LYRM7: variants seen among roughly 807,000 people sequenced by gnomAD.
LYRM7 encodes complex III assembly factor LYRM7.
In LYRM7, 9 loss-of-function variants were observed where a neutral mutation model predicts 15.8. The ratio of observed to expected loss-of-function variants is 0.57; its 90% confidence interval spans 0.34 to 0.99. LYRM7 has a LOEUF of 0.99. Among genes scored for constraint, LYRM7 ranks in the 50% least tolerant of loss-of-function variants. LYRM7 has a pLI of 0.02. For missense variants in LYRM7, 115 were observed against 119.1 expected (o/e 0.97, Z 0.16); for synonymous variants, 39 against 39.4 (o/e 0.99, Z 0.04).
Position 131,201,041 on chromosome 5 carries a change from G to T in LYRM7, c.*1440G>T, listed in dbSNP as rs1756053528. ...TTAAGATATATTGATATAGGCCCGG[G>T]CGCTGTGGCTCACACCTGTAATCCC... On this transcript the variant is annotated 3_prime_UTR_variant, in exon 5 of 5. Coordinates refer to ENST00000379380, the MANE Select transcript of LYRM7 (RefSeq NM_181705.4). The T allele has an allele frequency of 6.6e-6, 1 of 152,060 alleles. No individual in the cohort carries two copies. Among genetic ancestry groups the T allele is most frequent in the Non-Finnish European group, 1.5e-5 (1 of 68,014 alleles). The allele number at this position is 152,060 out of a possible 1,614,324, so 9.4% of individuals were successfully genotyped here. A position where few individuals can be genotyped will look rare whatever the true frequency, so the allele number is the denominator to read the frequency against.
chr5:131,183,421 A>T (rs1446432879), intron 3 of LYRM7, among the ~76,000 whole-genome samples: 1 of 152,186 alleles, frequency 6.6e-6, no homozygotes, highest in African/African-American at 2.4e-5. Flanking sequence ...ACTAATTCAT[A>T]ACATATGATA....
At position 131,193,916 on chromosome 5, in the gene LYRM7, G is replaced by A. The variant is rs191487129; in HGVS notation, c.245-5615G>A. On this transcript the variant is annotated intron_variant, in intron 4 of 4. Transcript: ENST00000379380. Reference sequence around the variant, plus strand: ...CCCAGCTACTCAGGAGGCTGAGGCAGGAGAATCGCTTGAACCCGGGAGGCG... The same window carrying A: ...CCCAGCTACTCAGGAGGCTGAGGCAAGAGAATCGCTTGAACCCGGGAGGCG... Among the ~76,000 whole-genome samples the A allele has an allele frequency of 5.0e-4, 76 of 152,222 alleles. 1 individual carries two copies. The highest frequency in any genetic ancestry group is 1.7e-3 in the African/African-American group (71 of 41,536).
At chr5:131,186,425 T>A (rs934323345) in intron 3 of LYRM7, among the ~76,000 whole-genome samples, 1 of 152,214 alleles carries the variant, frequency 6.6e-6, no homozygotes, top group African/African-American at 2.4e-5. Flanking sequence ...TCTATACTAG[T>A]TGGAATGGTT....
chr5:131,183,079 A>G (rs770804197), intron 3 of LYRM7, among the ~76,000 whole-genome samples: 1 of 152,202 alleles, frequency 6.6e-6, no homozygotes, highest in African/African-American at 2.4e-5. Context: ...AAAGGAAGGT[A>G]CAAACTAGAG....
rs1376695258 is a variant in LYRM7 at position 131,202,418 on chromosome 5, A to T, written c.*2817A>T. The T allele has an allele frequency of 6.6e-6, 1 of 152,240 alleles. No individual in the cohort carries two copies. The highest frequency in any genetic ancestry group is 1.5e-5 in the Non-Finnish European group (1 of 68,082). The allele number at this position is 152,240 out of a possible 1,614,324, so 9.4% of individuals were successfully genotyped here. A position where few individuals can be genotyped will look rare whatever the true frequency, so the allele number is the denominator to read the frequency against. ...CTGAGGCAGGAGAATTACTTGAGCC[A>T]GGGAAGCAGAGGTTGTGGTGAGCTA... On this transcript the variant is annotated 3_prime_UTR_variant, in exon 5 of 5. Transcript: ENST00000379380.
intron 4 of LYRM7, among the ~76,000 whole-genome samples, chr5:131,188,366 A>C (rs533048339): frequency 2.5e-4 from 38 of 152,168 alleles, no homozygotes; most frequent in Admixed American, 5.2e-4. Context: ...AATTTTCATA[A>C]AATGAAATAC....
Position 131,202,497 on chromosome 5 carries a change from GAAAAA to G in LYRM7, c.*2899_*2903del, listed in dbSNP as rs753028963. 2.3e-4 allele frequency: 35 copies of G among 152,170 alleles called. No individual in the cohort carries two copies. Among genetic ancestry groups the G allele is most frequent in the Non-Finnish European group, 4.3e-4 (29 of 67,978 alleles). 9.4% of individuals were successfully genotyped at this position (152,170 alleles called of 1,614,324 possible). On this transcript the variant is annotated 3_prime_UTR_variant, in exon 5 of 5. Coordinates refer to ENST00000379380, the MANE Select transcript of LYRM7 (RefSeq NM_181705.4). ...AGAACAAGACTCCGTCTCAAAAAAA[GAAAAA>G]AAGAAAACTTTTTTACACATGGGTA...
At chr5:131,190,963 G>A (rs1755876744) in intron 4 of LYRM7, among the ~76,000 whole-genome samples, 1 of 151,772 alleles carries the variant, frequency 6.6e-6, no homozygotes, top group African/African-American at 2.4e-5. Flanking sequence ...AAAGTTTTAG[G>A]TTATTTTAAA....
chr5:131,204,819 G>A lies in LYRM7; in HGVS notation c.*5218G>A, dbSNP rs1426566388. 2 of 151,860 alleles carry A rather than the reference G, an allele frequency of 1.3e-5. No individual in the cohort carries two copies. Among genetic ancestry groups the A allele is most frequent in the East Asian group, 3.8e-4 (2 of 5,332 alleles). The allele number at this position is 151,860 out of a possible 1,614,324, so 9.4% of individuals were successfully genotyped here. ...AAGAAAACTTTTTGTGTACATATTT[G>A]CATATATATGTACAAATGGGTAGAA... On this transcript the variant is annotated 3_prime_UTR_variant, in exon 5 of 5. Coordinates refer to ENST00000379380, the MANE Select transcript of LYRM7 (RefSeq NM_181705.4).
chr5:131,185,225 C>T (rs114322278), intron 3 of LYRM7, among the ~76,000 whole-genome samples: 1,860 of 152,234 alleles, frequency 0.012, 30 homozygotes, highest in African/African-American at 0.042. Context: ...CTCTTCATCT[C>T]ATTCAAGAAA....
intron 1 of LYRM7, among the ~76,000 whole-genome samples, chr5:131,176,721 T>C (rs1012035937): frequency 2.0e-5 from 3 of 152,136 alleles, no homozygotes; most frequent in Non-Finnish European, 4.4e-5. Flanking sequence ...CTCAACCCCT[T>C]CCTATCCTCC....
intron 2 of LYRM7, 132 bp from the exon 3 acceptor site, chr5:131,182,097 T>A (rs1364821824): frequency 2.5e-6 from 2 of 796,786 alleles, no homozygotes; most frequent in South Asian, 1.9e-5. Flanking sequence ...TTCTTATTCT[T>A]ATGCTTTGTT....
chr5:131,181,379 A>AT (rs1755699775), intron 2 of LYRM7, among the ~76,000 whole-genome samples: 2 of 102,060 alleles, frequency 2.0e-5, no homozygotes, highest in Admixed American at 1.2e-4. Context: ...ATATGTATAT[A>AT]TAATATATAC....
intron 4 of LYRM7, among the ~76,000 whole-genome samples, chr5:131,197,895 T>C (rs1045664503): frequency 6.7e-6 from 1 of 148,404 alleles, no homozygotes; most frequent in African/African-American, 2.5e-5. Context: ...TAAATATATA[T>C]ATTTTTAAAA....
intron 4 of LYRM7, among the ~76,000 whole-genome samples, chr5:131,193,948 G>A (rs1420176257): frequency 6.6e-6 from 1 of 152,118 alleles, no homozygotes; most frequent in Admixed American, 6.6e-5. Context: ...GGCGGAGGTT[G>A]CAGTGAGCCG....
Position 131,199,749 on chromosome 5 carries a change from A to G in LYRM7, c.*148A>G, listed in dbSNP as rs1756028434. The G allele has an allele frequency of 6.3e-6, 3 of 474,562 alleles. No homozygotes were observed. The highest frequency in any genetic ancestry group is 1.1e-5 in the Non-Finnish European group (3 of 264,540). 29.4% of individuals were successfully genotyped at this position (474,562 alleles called of 1,614,324 possible). The stretch of plus-strand genomic sequence containing the variant: ...TAGCTTCATATTTAAATTTCATGTT[A>G]AAAGGTCATTACTGAGAACTAAAGA... On this transcript the variant is annotated 3_prime_UTR_variant, in exon 5 of 5. Coordinates refer to ENST00000379380, the MANE Select transcript of LYRM7 (RefSeq NM_181705.4).
chr5:131,189,399 A>G (rs1339329452), intron 4 of LYRM7, among the ~76,000 whole-genome samples: 1 of 129,966 alleles, frequency 7.7e-6, no homozygotes, highest in African/African-American at 2.9e-5. Flanking sequence ...GTCAAGATCG[A>G]GCCACTGCCC....
At chr5:131,171,145 A>G in intron 1 of LYRM7, 107 bp downstream of exon 1, 1 of 1,169,718 alleles carries the variant, frequency 8.5e-7, no homozygotes, top group Non-Finnish European at 1.1e-6. Context: ...CTGACCCTTT[A>G]TGGAGGATGT....
intron 1 of LYRM7, among the ~76,000 whole-genome samples, chr5:131,178,322 A>T (rs1350035974): frequency 6.6e-6 from 1 of 152,190 alleles, no homozygotes; most frequent in Non-Finnish European, 1.5e-5. Flanking sequence ...CCTGAACATA[A>T]GTGATTTTGT....
Sources: gnomAD v4.1 joint callset for allele counts (sites outside exome capture counted in the v4.1 genomes callset) on GRCh38, gnomAD v4.1.1 for gene constraint, MANE v1.5 for transcripts, NCBI Gene and HGNC (gene_info 2026-07-23, HGNC 2026-07-21) for gene names.